FHIT: variants seen among roughly 807,000 people sequenced by gnomAD.
FHIT encodes the protein bis(5'-adenosyl)-triphosphatase.
FHIT carries 19 observed loss-of-function variants against 17.9 expected under a neutral mutation model. That is an observed-to-expected ratio of 1.06 (90% confidence interval 0.74 to 1.56). FHIT has a LOEUF of 1.56. Among genes scored for constraint, FHIT ranks in the 40% most tolerant of loss-of-function variants. FHIT has a pLI of 0.00. For synonymous variants in FHIT, 81 were observed against 69.7 expected, an observed-to-expected ratio of 1.16 and a Z score of -0.81; for missense variants, 248 against 189.2, an observed-to-expected ratio of 1.31 and a Z score of -1.82.
At chr3:60,855,776 T>C (rs562180154) in intron 3 of FHIT, among the ~76,000 whole-genome samples, 1 of 152,248 alleles carries the variant, frequency 6.6e-6, no homozygotes, top group African/African-American at 2.4e-5. Flanking sequence ...TGTTCTGTAG[T>C]GTACTTTCCA....
chr3:60,392,564 T>TG (rs1701274545), intron 5 of FHIT, among the ~76,000 whole-genome samples: 1 of 152,190 alleles, frequency 6.6e-6, no homozygotes, highest in Admixed American at 6.5e-5. Context: ...CCATTCTGAC[T>TG]GAAAAACTAA....
chr3:60,680,962 T>C (rs954208231), intron 4 of FHIT, among the ~76,000 whole-genome samples: 1 of 152,220 alleles, frequency 6.6e-6, no homozygotes, highest in Non-Finnish European at 1.5e-5. Context: ...AAACATTTTA[T>C]AACATGTTAA....
intron 5 of FHIT, among the ~76,000 whole-genome samples, chr3:60,052,272 G>A (rs978914352): frequency 5.3e-5 from 8 of 152,088 alleles, no homozygotes; most frequent in East Asian, 1.9e-4. Flanking sequence ...GCAATAGAAC[G>A]AGTGGCATCC....
At position 59,987,354 on chromosome 3, in the gene FHIT, T is replaced by C. The variant is rs146751173; in HGVS notation, c.279+24017A>G. Among the ~76,000 whole-genome samples, 4 of 151,912 alleles carry C rather than the reference T, an allele frequency of 2.6e-5. No homozygotes were observed. The East Asian group carries it at 7.8e-4, about 30-fold the overall frequency. On this transcript the variant is annotated intron_variant, in intron 7 of 9. Transcript: ENST00000492590. ...GGTTAGAAATTAGAGCCAAGGATGA[T>C]CTATTAGTTCATCGTGTGTGTCTCA...
intron 4 of FHIT, among the ~76,000 whole-genome samples, chr3:60,809,826 T>G (rs948905878): frequency 6.6e-6 from 1 of 152,176 alleles, no homozygotes; most frequent in Non-Finnish European, 1.5e-5. Context: ...ACTGAACAAC[T>G]CAAGTCCATT....
intron 7 of FHIT, among the ~76,000 whole-genome samples, chr3:59,969,303 T>G (rs552457462): frequency 6.6e-6 from 1 of 152,248 alleles, no homozygotes; most frequent in East Asian, 1.9e-4. Context: ...AATTGTTCAG[T>G]TTCCTTCATT....
intron 4 of FHIT, among the ~76,000 whole-genome samples, chr3:60,616,385 A>G (rs1220452977): frequency 6.6e-6 from 1 of 152,204 alleles, no homozygotes; most frequent in East Asian, 1.9e-4. Context: ...TATGATGTGC[A>G]CAGGTGTGCT....
intron 5 of FHIT, among the ~76,000 whole-genome samples, chr3:60,377,932 G>A (rs1700641555): frequency 6.6e-6 from 1 of 152,140 alleles, no homozygotes; most frequent in South Asian, 2.1e-4. Context: ...TAATGATTAG[G>A]ACAATTAATG....
chr3:60,292,462 C>T (rs115802862), intron 5 of FHIT, among the ~76,000 whole-genome samples: 6 of 152,108 alleles, frequency 3.9e-5, no homozygotes, highest in Non-Finnish European at 7.4e-5. Context: ...TGTTAGCTGC[C>T]GTCCATTTCT....
chr3:60,877,260 T>A (rs1704709522), intron 3 of FHIT, among the ~76,000 whole-genome samples: 1 of 152,190 alleles, frequency 6.6e-6, no homozygotes. Context: ...TCCATAAGGC[T>A]AAGCTGCCTC....
intron 5 of FHIT, among the ~76,000 whole-genome samples, chr3:60,202,593 A>C (rs989121728): frequency 6.6e-6 from 1 of 152,174 alleles, no homozygotes; most frequent in Non-Finnish European, 1.5e-5. Context: ...AGGATGCTAT[A>C]AAGTTACAAT....
chr3:60,565,403 G>A (rs901300281), intron 4 of FHIT, among the ~76,000 whole-genome samples: 4 of 152,096 alleles, frequency 2.6e-5, no homozygotes, highest in Admixed American at 6.6e-5. Flanking sequence ...CAAAATACAA[G>A]AATTCATAAA....
chr3:59,816,873 A>G (rs553688798), intron 8 of FHIT, among the ~76,000 whole-genome samples: 1 of 152,322 alleles, frequency 6.6e-6, no homozygotes, highest in East Asian at 1.9e-4. Flanking sequence ...ATCTTCAGAA[A>G]ATCAGCATAT....
intron 3 of FHIT, among the ~76,000 whole-genome samples, chr3:60,977,041 G>A (rs1031269820): frequency 6.6e-6 from 1 of 152,084 alleles, no homozygotes; most frequent in Non-Finnish European, 1.5e-5. Flanking sequence ...GTCTGATGAT[G>A]GGTGTATGAG....
chr3:60,341,524 G>A (rs769344662), intron 5 of FHIT, among the ~76,000 whole-genome samples: 20 of 151,952 alleles, frequency 1.3e-4, no homozygotes, highest in African/African-American at 2.4e-4. Flanking sequence ...TTTTTACTGC[G>A]TTCTAAGCTC....
rs149143584 is a variant in FHIT, at chr3:60,524,619, G to A, written c.103+12241C>T. On this transcript the variant is annotated intron_variant, in intron 5 of 9. Transcript: ENST00000492590. ...CCATTGATGCTGTCATGGTTTTGGA[G>A]GCCAGCGTGGCATCCAGGTGTCAGC... 5.1e-3 allele frequency among the ~76,000 whole-genome samples: 779 copies of A among 152,290 alleles called. 10 individuals are homozygous for A. The highest frequency in any genetic ancestry group is 0.018 in the African/African-American group (740 of 41,542).
intron 1 of FHIT, among the ~76,000 whole-genome samples, chr3:61,215,871 C>A (rs535378389): frequency 6.6e-6 from 1 of 152,222 alleles, no homozygotes; most frequent in East Asian, 1.9e-4. Flanking sequence ...CTTTGACAAA[C>A]CTGACAAAAA....
chr3:61,093,291 G>T (rs1284149909), intron 2 of FHIT, among the ~76,000 whole-genome samples: 1 of 152,156 alleles, frequency 6.6e-6, no homozygotes, highest in Admixed American at 6.5e-5. Context: ...GAGCAAGAAA[G>T]CAGTAGTTCT....
intron 5 of FHIT, among the ~76,000 whole-genome samples, chr3:60,425,901 G>A (rs1356111305): frequency 1.3e-5 from 2 of 152,100 alleles, no homozygotes; most frequent in East Asian, 3.9e-4. Flanking sequence ...AGAAGGAAAA[G>A]TGTTATGGAA....
Sources: allele counts gnomAD v4.1 joint callset (sites outside exome capture counted in the v4.1 genomes callset), GRCh38; gene constraint gnomAD v4.1.1; transcripts MANE v1.5; gene names NCBI Gene and HGNC (gene_info 2026-07-23, HGNC 2026-07-21).